CADM1: variants seen among roughly 807,000 people sequenced by gnomAD.
CADM1 encodes the protein TSLC-1.
CADM1 carries 15 observed loss-of-function variants against 53.1 expected under a neutral mutation model. The observed-to-expected ratio is 0.28, with a 90% CI of 0.19 to 0.44. The LOEUF is 0.44. Among genes scored for constraint, CADM1 ranks in the 20% least tolerant of loss-of-function variants. The pLI, the probability that CADM1 is intolerant of heterozygous loss-of-function variation, is 1.00. For synonymous variants in CADM1, 281 were observed against 243.0 expected, an observed-to-expected ratio of 1.16 and a Z score of -1.45; for missense variants, 434 against 611.3, an observed-to-expected ratio of 0.71 and a Z score of 3.06.
chr11:115,429,449 C>CA (rs1480490053), intron 1 of CADM1, among the ~76,000 whole-genome samples: 1 of 151,768 alleles, frequency 6.6e-6, no homozygotes, highest in Admixed American at 6.6e-5. Context: ...TACAAAAATA[C>CA]AAAAAATTAT....
chr11:115,234,060 T>C (rs1941923998), intron 3 of CADM1, among the ~76,000 whole-genome samples: 1 of 152,210 alleles, frequency 6.6e-6, no homozygotes, highest in Non-Finnish European at 1.5e-5. Context: ...CTCTGTTGAG[T>C]CTTAGTGGAA....
chr11:115,201,686 T>A (rs1238578900), intron 8 of CADM1, among the ~76,000 whole-genome samples: 1 of 152,146 alleles, frequency 6.6e-6, no homozygotes, highest in Non-Finnish European at 1.5e-5. Flanking sequence ...CAAAGCCTTT[T>A]TAAAACCTCA....
At chr11:115,401,810 G>C (rs1947164330) in intron 1 of CADM1, among the ~76,000 whole-genome samples, 1 of 152,198 alleles carries the variant, frequency 6.6e-6, no homozygotes, top group South Asian at 2.1e-4. Flanking sequence ...GGTGATAACG[G>C]TGTGTCAGTG....
chr11:115,235,240 A>G lies in CADM1; in HGVS notation c.424+3260T>C, dbSNP rs183900425. On this transcript the variant is annotated intron_variant, in intron 3 of 11. Coordinates refer to ENST00000331581, the MANE Select transcript of CADM1 (RefSeq NM_001301043.2). ...GTGATTTAAATCTGCTTTTCTGAAA[A>G]AAAAAGGGTTGGACAAGAAAATCTT... 7.5e-3 allele frequency among the ~76,000 whole-genome samples: 1,148 copies of G among 152,262 alleles called. 10 individuals are homozygous for G. Among genetic ancestry groups the G allele is most frequent in the African/African-American group, 0.026 (1,093 of 41,562 alleles).
At chr11:115,298,905 C>G (rs1474059668) in intron 1 of CADM1, among the ~76,000 whole-genome samples, 1 of 152,108 alleles carries the variant, frequency 6.6e-6, no homozygotes. Context: ...CACTTGAAAT[C>G]TCAATATTAT....
rs1391595865 is a variant in CADM1, at chr11:115,295,531, TATATATATATATATATATA to T, written c.125-55130_125-55112del. On this transcript the variant is annotated intron_variant, in intron 1 of 11. Transcript: ENST00000331581. ...TTATATATATATATATATATATATA[TATATATATATATATATATA>T]ATATATATGTATATGCACATATATA... is the stretch of plus-strand genomic sequence containing the variant. Among the ~76,000 whole-genome samples, 133 of 85,594 alleles carry T rather than the reference TATATATATATATATATATA, an allele frequency of 1.6e-3. 3 individuals are homozygous for T. Among genetic ancestry groups the T allele is most frequent in the African/African-American group, 9.8e-3 (122 of 12,388 alleles). 56.2% of individuals were successfully genotyped at this position (85,594 alleles called of 152,430 possible).
Position 115,217,971 on chromosome 11 carries a change from G to T in CADM1, c.742C>A (p.Gln248Lys). Residue 248 changes from glutamine (Q) to lysine (K), a missense_variant, in exon 6 of 12, where the codon CAG becomes AAG. Around this residue, in one of 4 missense-constraint regions of CADM1, gnomAD observed 311 missense variants for 435.1 expected, o/e 0.71. Transcript: ENST00000331581. ...AAGCCTTGTAGAGGATAAGTCATCT[G>T]AATGTGCACTTGAGGCTTATCTGTG... ...EVQYKPQVHIQMTYPLQGLTR... is the reference protein window; with the variant it reads ...EVQYKPQVHIKMTYPLQGLTR... 1 of 1,612,920 alleles carries T rather than the reference G, an allele frequency of 6.2e-7. No individual in the cohort carries two copies. The highest frequency in any genetic ancestry group is 1.3e-5 in the African/African-American group (1 of 74,994).
intron 3 of CADM1, among the ~76,000 whole-genome samples, chr11:115,231,981 C>T (rs965159900): frequency 7.7e-5 from 11 of 143,306 alleles, no homozygotes; most frequent in East Asian, 3.9e-4. Flanking sequence ...AGCGAAACTC[C>T]GTCTCAATAA....
intron 1 of CADM1, among the ~76,000 whole-genome samples, chr11:115,464,860 G>C (rs1316196727): frequency 6.6e-6 from 1 of 152,182 alleles, no homozygotes; most frequent in Non-Finnish European, 1.5e-5. Flanking sequence ...ATGTTGCTCA[G>C]TTATTCTAGA....
At chr11:115,188,699 G>A (rs1471679660) in intron 10 of CADM1, among the ~76,000 whole-genome samples, 3 of 152,078 alleles carry the variant, frequency 2.0e-5, no homozygotes, top group Non-Finnish European at 2.9e-5. Flanking sequence ...ATTTATTGAT[G>A]GACTGTTTAA....
chr11:115,346,519 C>G (rs754764193), intron 1 of CADM1, among the ~76,000 whole-genome samples: 15 of 152,154 alleles, frequency 9.9e-5, no homozygotes, highest in Non-Finnish European at 2.2e-4. Flanking sequence ...CAGGCTTGAG[C>G]CACCACACAC....
At chr11:115,284,114 C>CTCTCTCTCTCTCTCTCTCTCTGTGTG (rs1351842329) in intron 1 of CADM1, among the ~76,000 whole-genome samples, 3 of 98,612 alleles carry the variant, frequency 3.0e-5, no homozygotes, top group African/African-American at 7.7e-5. Flanking sequence ...CTCTCTCTCT[C>CTCTCTCTCTCTCTCTCTCTCTGTGTG]TGTGTGTGTG....
rs993997543 is a variant in CADM1, at chr11:115,230,226, T to C, written c.563-955A>G. 5.3e-5 allele frequency among the ~76,000 whole-genome samples: 8 copies of C among 152,208 alleles called. No homozygotes were observed. In the East Asian group the frequency reaches 1.3e-3, roughly 26 times the overall value. ...ATATAGATTTATCTGCTTCCAGATATAGATTTCTATATCCTCTTTCTAAAA... is the reference window on the plus strand; with the variant it reads ...ATATAGATTTATCTGCTTCCAGATACAGATTTCTATATCCTCTTTCTAAAA... On this transcript the variant is annotated intron_variant, in intron 4 of 11. Coordinates refer to ENST00000331581, the MANE Select transcript of CADM1 (RefSeq NM_001301043.2).
chr11:115,245,620 C>T (rs904096882), intron 1 of CADM1, among the ~76,000 whole-genome samples: 1 of 152,168 alleles, frequency 6.6e-6, no homozygotes, highest in Non-Finnish European at 1.5e-5. Context: ...AGTAGAGGCA[C>T]TGCAATTCCT....
intron 5 of CADM1, among the ~76,000 whole-genome samples, chr11:115,220,244 C>T (rs769330832): frequency 7.9e-5 from 12 of 152,044 alleles, no homozygotes; most frequent in Non-Finnish European, 1.8e-4. Flanking sequence ...TTTACATGCT[C>T]AACTTCCATC....
chr11:115,265,342 C>A (rs376070429), intron 1 of CADM1, among the ~76,000 whole-genome samples: 9 of 152,266 alleles, frequency 5.9e-5, no homozygotes, highest in African/African-American at 1.9e-4. Context: ...AGTGCCTAGA[C>A]CAGTATCTGG....
At chr11:115,228,316 G>T (rs1458801805) in intron 5 of CADM1, among the ~76,000 whole-genome samples, 1 of 152,112 alleles carries the variant, frequency 6.6e-6, no homozygotes, top group Non-Finnish European at 1.5e-5. Flanking sequence ...GGCAGCCCTA[G>T]GAAATTAATC....
intron 1 of CADM1, among the ~76,000 whole-genome samples, chr11:115,337,470 G>T (rs1379083356): frequency 6.6e-6 from 1 of 151,874 alleles, no homozygotes; most frequent in Non-Finnish European, 1.5e-5. Context: ...TCCACCATTC[G>T]ACCTGCACCC....
At chr11:115,353,536 C>T (rs1223058529) in intron 1 of CADM1, among the ~76,000 whole-genome samples, 1 of 152,198 alleles carries the variant, frequency 6.6e-6, no homozygotes, top group Non-Finnish European at 1.5e-5. Flanking sequence ...ATATATGCCA[C>T]TCTTTGAAAT....
Sources: gnomAD v4.1 joint callset for allele counts (sites outside exome capture counted in the v4.1 genomes callset) on GRCh38, gnomAD v4.1.1 for gene constraint, gnomAD v4.1.1 regional missense constraint, MANE v1.5 for transcripts, NCBI Gene and HGNC (gene_info 2026-07-23, HGNC 2026-07-21) for gene names.